Variants in FRMD3 observed in about 807,000 individuals in gnomAD.
FRMD3 encodes the protein FERM domain-containing protein 3.
In FRMD3, 33 loss-of-function variants were observed where a neutral mutation model predicts 70.2. The ratio of observed to expected loss-of-function variants is 0.47; its 90% confidence interval spans 0.36 to 0.63. FRMD3 has a LOEUF of 0.63. FRMD3 is among the 20% of genes least tolerant of loss of function. The probability of loss-of-function intolerance (pLI) is 0.00; values close to 1 mark genes in which losing one functional copy is unlikely to be tolerated. For synonymous variants in FRMD3, 279 were observed against 255.9 expected (o/e 1.09, Z -0.86); for missense variants, 632 against 711.4 (o/e 0.89, Z 1.27).
At chr9:83,359,113 CCAGCTTCCAAAG>C (rs1221007912) in intron 3 of FRMD3, among the ~76,000 whole-genome samples, 2 of 152,150 alleles carry the variant, frequency 1.3e-5, no homozygotes, top group Non-Finnish European at 1.5e-5. Context: ...CTGTGTTTCC[CCAGCTTCCAAAG>C]CAGAGACAGG....
intron 3 of FRMD3, among the ~76,000 whole-genome samples, chr9:83,362,544 G>A (rs1029457500): frequency 6.6e-6 from 1 of 152,170 alleles, no homozygotes; most frequent in African/African-American, 2.4e-5. Flanking sequence ...TGCCCCTTCA[G>A]GGTGCTTGGG....
At chr9:83,491,347 C>T (rs915280421) in intron 1 of FRMD3, among the ~76,000 whole-genome samples, 7 of 152,168 alleles carry the variant, frequency 4.6e-5, no homozygotes, top group Admixed American at 4.6e-4. Flanking sequence ...AATATAAAAA[C>T]AGTGCTTGCC....
chr9:83,298,954 T>C (rs1015014675), intron 11 of FRMD3, 138 bp from the exon 12 acceptor site: 3 of 1,014,630 alleles, frequency 3.0e-6, no homozygotes, highest in Admixed American at 3.9e-5. Context: ...TACGGTAGAA[T>C]TTGAGGGTGC....
chr9:83,304,411 A>G (rs1316719108), intron 10 of FRMD3, among the ~76,000 whole-genome samples: 1 of 152,172 alleles, frequency 6.6e-6, no homozygotes, highest in Non-Finnish European at 1.5e-5. Context: ...TATTAAAAAT[A>G]TGGACTCTCA....
chr9:83,421,057 C>T (rs1826625230), intron 1 of FRMD3, among the ~76,000 whole-genome samples: 2 of 150,282 alleles, frequency 1.3e-5, no homozygotes, highest in African/African-American at 4.9e-5. Context: ...TCTCCTGCCT[C>T]AGCCTCCCGA....
chr9:83,288,054 AGAAAT>A (rs1403165726), intron 13 of FRMD3, among the ~76,000 whole-genome samples: 1 of 152,382 alleles, frequency 6.6e-6, no homozygotes, highest in Non-Finnish European at 1.5e-5. Flanking sequence ...AGAAATAAAA[AGAAAT>A]GAAACATTAA....
chr9:83,489,021 T>C (rs140920820), intron 1 of FRMD3, among the ~76,000 whole-genome samples: 23,103 of 149,538 alleles, frequency 0.15, 2,097 homozygotes, highest in East Asian at 0.33. Context: ...TGTGTGCTTG[T>C]GTGTGCGCAC....
intron 2 of FRMD3, 75 bp from the exon 3 acceptor site, chr9:83,373,030 A>C: frequency 8.3e-7 from 1 of 1,204,880 alleles, no homozygotes; most frequent in Non-Finnish European, 1.2e-6. Flanking sequence ...TAATAACTAA[A>C]AGGAATTCCA....
chr9:83,365,057 A>G (rs1587776641), intron 3 of FRMD3, among the ~76,000 whole-genome samples: 1 of 152,160 alleles, frequency 6.6e-6, no homozygotes, highest in Non-Finnish European at 1.5e-5. Context: ...TTTAATTGCT[A>G]TAGCTCACAG....
intron 10 of FRMD3, among the ~76,000 whole-genome samples, chr9:83,301,357 G>T (rs1232096764): frequency 6.6e-6 from 1 of 152,162 alleles, no homozygotes. Context: ...TGGAGCCTGA[G>T]AAAAGGACAA....
At chr9:83,468,460 G>C (rs186316397) in intron 1 of FRMD3, among the ~76,000 whole-genome samples, 199 of 152,308 alleles carry the variant, frequency 1.3e-3, no homozygotes, top group Admixed American at 3.8e-3. Context: ...AAGCACATGA[G>C]AGCAGTACCA....
rs1003150357 is a variant in FRMD3, at chr9:83,246,890, G to A, written c.*1028C>T. ...ATCACTTTCATAAAATAGACCATTC[G>A]CCTGTCACCATTTGCCTGCCAGCCT... is the stretch of plus-strand genomic sequence containing the variant. On this transcript the variant is annotated 3_prime_UTR_variant, in exon 14 of 14. Transcript: ENST00000304195. 2.5e-5 allele frequency: 25 copies of A among 985,194 alleles called. No homozygotes were observed. The highest frequency in any genetic ancestry group is 3.0e-5 in the Non-Finnish European group (25 of 829,892). The allele number at this position is 985,194 out of a possible 1,614,324, so 61.0% of individuals were successfully genotyped here. A position where few individuals can be genotyped will look rare whatever the true frequency, so the allele number is the denominator to read the frequency against.
chr9:83,580,224 A>G, the FRMD3 span, among the ~76,000 whole-genome samples: 1 of 152,080 alleles, frequency 6.6e-6, no homozygotes, highest in African/African-American at 2.4e-5. Flanking sequence ...AATTGTGTGT[A>G]GGTTGCTCAA....
At chr9:83,276,663 C>A (rs929298290) in intron 13 of FRMD3, 1 of 152,204 alleles carries the variant, frequency 6.6e-6, no homozygotes, top group African/African-American at 2.4e-5. Context: ...TCGCTACATG[C>A]AAAACAAGTT....
At chr9:83,444,222 C>T (rs568825592) in intron 1 of FRMD3, among the ~76,000 whole-genome samples, 3 of 152,318 alleles carry the variant, frequency 2.0e-5, no homozygotes, top group African/African-American at 2.4e-5. Context: ...ATGGGAGATG[C>T]GGGCTAGACC....
chr9:83,333,326 T>C (rs1330924712), intron 6 of FRMD3, among the ~76,000 whole-genome samples: 2 of 152,320 alleles, frequency 1.3e-5, no homozygotes, highest in Admixed American at 6.5e-5. Context: ...CAGGACCACA[T>C]GTGCCATAGA....
At chr9:83,479,720 GAAAAGAAAGGGAAAGAAAGAAAAAGAA>G (rs1828509322) in intron 1 of FRMD3, among the ~76,000 whole-genome samples, 2 of 55,006 alleles carry the variant, frequency 3.6e-5, no homozygotes, top group Non-Finnish European at 6.5e-5. Flanking sequence ...AAGAAAGAAA[GAAAAGAAAGGGAAAGAAAGAAAAAGAA>G]AAGAGAAGAA....
intron 8 of FRMD3, among the ~76,000 whole-genome samples, chr9:83,310,989 A>C (rs1300776939): frequency 1.3e-5 from 2 of 151,968 alleles, no homozygotes; most frequent in Non-Finnish European, 1.5e-5. Flanking sequence ...CAAAATGTTC[A>C]CTCCTGTTTT....
At chr9:83,368,289 T>C (rs1463104445) in intron 3 of FRMD3, among the ~76,000 whole-genome samples, 14 of 151,804 alleles carry the variant, frequency 9.2e-5, no homozygotes, top group Admixed American at 9.2e-4. Context: ...CACACAAAAA[T>C]CAAGTCAATT....
Sources: allele counts gnomAD v4.1 joint callset (sites outside exome capture counted in the v4.1 genomes callset), GRCh38; gene constraint gnomAD v4.1.1; transcripts MANE v1.5; gene names NCBI Gene and HGNC (gene_info 2026-07-23, HGNC 2026-07-21).